ATRNL1: variants seen among roughly 807,000 people sequenced by gnomAD.
The protein encoded by ATRNL1 is attractin-like protein 1.
Under a neutral mutation model 182.7 loss-of-function variants are expected in ATRNL1, and 95 were observed. That is an observed-to-expected ratio of 0.52 (90% confidence interval 0.44 to 0.62). The LOEUF (loss-of-function observed/expected upper bound fraction) is 0.62, where lower values mean the gene tolerates loss of function less well. Ranked by LOEUF, ATRNL1 falls within the 20% of genes least tolerant of loss-of-function variation. ATRNL1 has a pLI of 0.00. For synonymous variants in ATRNL1, 576 were observed against 568.3 expected (o/e 1.01, Z -0.19); for missense variants, 1,471 against 1,679.5 (o/e 0.88, Z 2.17).
chr10:115,199,314 T>A (rs1848470946), intron 8 of ATRNL1, among the ~76,000 whole-genome samples: 2 of 152,084 alleles, frequency 1.3e-5, no homozygotes, highest in African/African-American at 4.8e-5. Flanking sequence ...GCTCCTGTAA[T>A]CCCAGCACTT....
At chr10:115,708,923 C>A (rs1445893350) in intron 26 of ATRNL1, among the ~76,000 whole-genome samples, 1 of 151,692 alleles carries the variant, frequency 6.6e-6, no homozygotes, top group African/African-American at 2.4e-5. Context: ...GCTTAGTTAT[C>A]TCACTTTTTT....
intron 13 of ATRNL1, among the ~76,000 whole-genome samples, chr10:115,274,831 G>A (rs1007625126): frequency 5.3e-5 from 8 of 152,258 alleles, no homozygotes; most frequent in Middle Eastern, 3.4e-3. Flanking sequence ...AGTTTCCAGG[G>A]AATGTGTTAA....
chr10:115,330,142 A>G (rs970026817), intron 18 of ATRNL1, among the ~76,000 whole-genome samples: 4 of 152,160 alleles, frequency 2.6e-5, no homozygotes, highest in African/African-American at 4.8e-5. Flanking sequence ...TCGGAAGAAA[A>G]GGAAAAACCC....
chr10:115,811,966 G>C (rs1357082861), intron 27 of ATRNL1, among the ~76,000 whole-genome samples: 1 of 151,978 alleles, frequency 6.6e-6, no homozygotes, highest in African/African-American at 2.4e-5. Flanking sequence ...TAACAACTTT[G>C]TGTATATACC....
intron 5 of ATRNL1, among the ~76,000 whole-genome samples, chr10:115,155,229 TC>T (rs1846451004): frequency 6.6e-6 from 1 of 151,984 alleles, no homozygotes; most frequent in African/African-American, 2.4e-5. Context: ...ATCATGTTTT[TC>T]TTTTTTTTTC....
At chr10:115,364,832 G>C (rs1554945401) in intron 19 of ATRNL1, among the ~76,000 whole-genome samples, 1 of 150,244 alleles carries the variant, frequency 6.7e-6, no homozygotes, top group African/African-American at 2.4e-5. Flanking sequence ...TTATTGATTT[G>C]CGTATATTGA....
intron 28 of ATRNL1, among the ~76,000 whole-genome samples, chr10:115,872,045 T>G (rs1555106257): frequency 2.0e-5 from 3 of 152,224 alleles, no homozygotes; most frequent in African/African-American, 7.2e-5. Flanking sequence ...TCCATCTGTT[T>G]ATCTAAGAAG....
intron 8 of ATRNL1, among the ~76,000 whole-genome samples, chr10:115,176,319 AT>A (rs1427522614): frequency 6.6e-6 from 1 of 151,998 alleles, no homozygotes; most frequent in Non-Finnish European, 1.5e-5. Flanking sequence ...ATTAGATCCC[AT>A]TTGTCAATTT....
At chr10:115,781,192 A>T (rs1949256436) in intron 27 of ATRNL1, among the ~76,000 whole-genome samples, 1 of 152,214 alleles carries the variant, frequency 6.6e-6, no homozygotes, top group Admixed American at 6.5e-5. Flanking sequence ...AAAATTAAAG[A>T]CAAGCATCAC....
At chr10:115,842,048 A>G (rs1156501092) in intron 27 of ATRNL1, among the ~76,000 whole-genome samples, 2 of 152,134 alleles carry the variant, frequency 1.3e-5, no homozygotes, top group Middle Eastern at 3.2e-3. Context: ...AATTCTGATA[A>G]GAATAGCATT....
intron 6 of ATRNL1, among the ~76,000 whole-genome samples, chr10:115,161,838 T>C (rs1174739746): frequency 5.3e-5 from 8 of 152,108 alleles, no homozygotes; most frequent in African/African-American, 1.9e-4. Flanking sequence ...TAGGTAAGGA[T>C]AACAGCTTTC....
intron 28 of ATRNL1, among the ~76,000 whole-genome samples, chr10:115,866,633 G>A (rs1951445702): frequency 6.6e-6 from 1 of 152,114 alleles, no homozygotes; most frequent in South Asian, 2.1e-4. Context: ...TCCTTGTACA[G>A]TACTCTAGTG....
At chr10:115,925,230 AC>A (rs781834033) in intron 28 of ATRNL1, among the ~76,000 whole-genome samples, 16 of 152,016 alleles carry the variant, frequency 1.1e-4, no homozygotes, top group Non-Finnish European at 1.8e-4. Flanking sequence ...CTATTTGAAT[AC>A]CCTTTATTTC....
chr10:115,120,195 C>A lies in ATRNL1; in HGVS notation c.304C>A (p.Pro102Thr). Residue 102 changes from proline (P) to threonine (T), a missense_variant, in exon 2 of 29, where the codon CCT becomes ACT. By Grantham distance (38) the Pro-to-Thr change is conservative. Transcript: ENST00000355044. ...TATTTTCTCTTCCAGGTTAACAGAA[C>A]CTTCTGGATATTTAACAGATGGCCC... Reference protein sequence around the residue: ...HCQGRFKLTEPSGYLTDGPIN... With the variant: ...HCQGRFKLTETSGYLTDGPIN... 1 of 1,543,734 alleles carries A rather than the reference C, an allele frequency of 6.5e-7. No individual in the cohort carries two copies. Among genetic ancestry groups the A allele is most frequent in the Non-Finnish European group, 8.9e-7 (1 of 1,123,172 alleles).
chr10:115,853,272 G>A (rs1420315914), intron 28 of ATRNL1, among the ~76,000 whole-genome samples: 1 of 152,076 alleles, frequency 6.6e-6, no homozygotes, highest in Non-Finnish European at 1.5e-5. Context: ...AAAATAATTA[G>A]CATTGCTCCT....
intron 1 of ATRNL1, among the ~76,000 whole-genome samples, chr10:115,095,889 G>A (rs781419092): frequency 1.6e-4 from 24 of 152,202 alleles, no homozygotes; most frequent in Middle Eastern, 3.4e-3. Context: ...CTTTTGTGTG[G>A]GTGGGTTTGC....
intron 3 of ATRNL1, among the ~76,000 whole-genome samples, chr10:115,123,731 C>T (rs754896607): frequency 3.3e-5 from 5 of 152,118 alleles, no homozygotes; most frequent in Admixed American, 6.5e-5. Context: ...AAGTGAGTGG[C>T]GGGCAAGTGA....
intron 26 of ATRNL1, among the ~76,000 whole-genome samples, chr10:115,614,579 T>A (rs1857334167): frequency 6.6e-6 from 1 of 152,190 alleles, no homozygotes; most frequent in Admixed American, 6.5e-5. Flanking sequence ...TGATTATTTT[T>A]GTTTTTCTGT....
At chr10:115,374,876 T>A (rs1458070395) in intron 19 of ATRNL1, among the ~76,000 whole-genome samples, 1 of 151,960 alleles carries the variant, frequency 6.6e-6, no homozygotes, top group Non-Finnish European at 1.5e-5. Context: ...TTAAGACTTG[T>A]TTTGTGGTCT....
Sources: allele counts gnomAD v4.1 joint callset (sites outside exome capture counted in the v4.1 genomes callset), GRCh38; gene constraint gnomAD v4.1.1; transcripts MANE v1.5; gene names NCBI Gene and HGNC (gene_info 2026-07-23, HGNC 2026-07-21).